The following GNG7 variants were observed in gnomAD, a reference collection of about 807,000 sequenced individuals.
The protein encoded by GNG7 is G protein subunit gamma 7.
GNG7 carries 1 observed loss-of-function variant against 4.0 expected under a neutral mutation model. That is an observed-to-expected ratio of 0.25 (90% CI 0.09 to 1.18). GNG7 has a LOEUF of 1.18. GNG7 is among the 50% of genes most tolerant of loss of function. The pLI, the probability that GNG7 is intolerant of heterozygous loss-of-function variation, is 0.50. For synonymous variants in GNG7, 34 were observed against 36.9 expected, an observed-to-expected ratio of 0.92 and a Z score of 0.29; for missense variants, 86 against 91.9, an observed-to-expected ratio of 0.94 and a Z score of 0.26.
chr19:2,538,720 G>T (rs551035514), intron 3 of GNG7: 5 of 460,894 alleles, frequency 1.1e-5, no homozygotes, highest in Non-Finnish European at 2.2e-5. Flanking sequence ...ATTCCTCACT[G>T]CATTGGAAGT....
intron 1 of GNG7, among the ~76,000 whole-genome samples, chr19:2,654,122 A>G (rs1982900956): frequency 6.6e-6 from 1 of 151,726 alleles, no homozygotes; most frequent in Non-Finnish European, 1.5e-5. Context: ...CTCCATGCAG[A>G]GGAAGGTCTT....
At chr19:2,566,683 C>T (rs957588420) in intron 2 of GNG7, among the ~76,000 whole-genome samples, 9 of 152,194 alleles carry the variant, frequency 5.9e-5, no homozygotes, top group Non-Finnish European at 1.3e-4. Context: ...GAGCAAACTT[C>T]TCTGGCTTTG....
intron 2 of GNG7, among the ~76,000 whole-genome samples, chr19:2,584,287 T>G (rs1452188543): frequency 9.3e-6 from 1 of 107,460 alleles, no homozygotes; most frequent in Non-Finnish European, 1.8e-5. Flanking sequence ...CGCAAAGAAT[T>G]AAAAAAAAAA....
intron 1 of GNG7, among the ~76,000 whole-genome samples, chr19:2,696,704 C>T (rs1913274447): frequency 6.6e-6 from 1 of 152,200 alleles, no homozygotes; most frequent in Non-Finnish European, 1.5e-5. Flanking sequence ...TGAGAGACAC[C>T]AGACACAAAA....
At chr19:2,698,862 T>C (rs75185207) in intron 1 of GNG7, among the ~76,000 whole-genome samples, 1,536 of 152,286 alleles carry the variant, frequency 0.01, 28 homozygotes, top group African/African-American at 0.035. Flanking sequence ...TAGTTCTCTT[T>C]GCCTTCAAAC....
At chr19:2,625,780 GTTTT>G (rs970829061) in intron 2 of GNG7, among the ~76,000 whole-genome samples, 25 of 151,892 alleles carry the variant, frequency 1.6e-4, no homozygotes, top group African/African-American at 5.8e-4. Context: ...TGGTTTTGGG[GTTTT>G]TTGTTTGTTT....
chr19:2,642,540 AT>A (rs1194773561), intron 2 of GNG7: 1 of 349,578 alleles, frequency 2.9e-6, no homozygotes, highest in South Asian at 2.2e-5. Flanking sequence ...TAATTTCTGT[AT>A]TTTTTGTAGA....
At chr19:2,602,877 CTT>C (rs1032234565) in intron 2 of GNG7, among the ~76,000 whole-genome samples, 4 of 149,938 alleles carry the variant, frequency 2.7e-5, no homozygotes, top group Non-Finnish European at 5.9e-5. Flanking sequence ...CCTTTTCTCT[CTT>C]TCTCTTTCTT....
At position 2,514,951 on chromosome 19, in the gene GNG7, TGAGACA is replaced by T. The variant is rs375659854; in HGVS notation, c.*65_*70del. The stretch of plus-strand genomic sequence containing the variant: ...GCTAATTACTGAATGATGCCCTGCC[TGAGACA>T]GAGACAGAGACAGAGAGAGAGAGAG... On this transcript the variant is annotated 3_prime_UTR_variant, in exon 5 of 5. Transcript: ENST00000382159. The T allele has an allele frequency of 1.1e-4, 138 of 1,293,448 alleles. No individual in the cohort carries two copies. Among genetic ancestry groups the T allele is most frequent in the Admixed American group, 8.3e-4 (47 of 56,530 alleles). The allele number at this position is 1,293,448 out of a possible 1,614,324, so 80.1% of individuals were successfully genotyped here. A position where few individuals can be genotyped will look rare whatever the true frequency, so the allele number is the denominator to read the frequency against.
chr19:2,602,887 CTTTT>C (rs939899802), intron 2 of GNG7, among the ~76,000 whole-genome samples: 3 of 115,438 alleles, frequency 2.6e-5, no homozygotes, highest in Non-Finnish European at 5.7e-5. Context: ...CTTTCTCTTT[CTTTT>C]TCTCTTTTTC....
intron 1 of GNG7, among the ~76,000 whole-genome samples, chr19:2,698,931 A>G (rs578013783): frequency 4.6e-4 from 70 of 152,316 alleles, no homozygotes; most frequent in Admixed American, 1.0e-3. Context: ...GGTATCGGTC[A>G]AAGGATGTTT....
chr19:2,601,957 G>C (rs1196052380), intron 2 of GNG7, among the ~76,000 whole-genome samples: 1 of 151,848 alleles, frequency 6.6e-6, no homozygotes, highest in Non-Finnish European at 1.5e-5. Flanking sequence ...GAGGGGAGGA[G>C]AGCAGTGGAA....
At chr19:2,657,258 T>G (rs529725294) in intron 1 of GNG7, among the ~76,000 whole-genome samples, 1 of 143,964 alleles carries the variant, frequency 6.9e-6, no homozygotes, top group African/African-American at 2.6e-5. Context: ...GTCTTGAGCC[T>G]AGGAGTTCGA....
At chr19:2,598,765 G>C (rs1599413879) in intron 2 of GNG7, among the ~76,000 whole-genome samples, 1 of 151,228 alleles carries the variant, frequency 6.6e-6, no homozygotes, top group Non-Finnish European at 1.5e-5. Context: ...CAGACATCGG[G>C]TGCATTTAAA....
At chr19:2,591,100 C>G (rs1980838326) in intron 2 of GNG7, among the ~76,000 whole-genome samples, 1 of 152,074 alleles carries the variant, frequency 6.6e-6, no homozygotes, top group Admixed American at 6.6e-5. Flanking sequence ...GTATGTTGTT[C>G]CTTGGATTCC....
chr19:2,563,444 A>C (rs1979808336), intron 2 of GNG7, among the ~76,000 whole-genome samples: 1 of 152,072 alleles, frequency 6.6e-6, no homozygotes, highest in South Asian at 2.1e-4. Context: ...TCAGGATCCT[A>C]AGAGAACCAC....
intron 3 of GNG7, among the ~76,000 whole-genome samples, chr19:2,534,349 C>T (rs1164002161): frequency 1.3e-5 from 2 of 152,202 alleles, no homozygotes; most frequent in Admixed American, 1.3e-4. Context: ...CTAGAGTGCG[C>T]TTCTGAAAAT....
chr19:2,578,433 T>C (rs1334139049), intron 2 of GNG7, among the ~76,000 whole-genome samples: 3 of 152,168 alleles, frequency 2.0e-5, no homozygotes, highest in Non-Finnish European at 4.4e-5. Context: ...TCCGATCCTT[T>C]GTGGAATGAG....
intron 2 of GNG7, among the ~76,000 whole-genome samples, chr19:2,588,424 C>G (rs1438763606): frequency 6.6e-6 from 1 of 152,156 alleles, no homozygotes; most frequent in Non-Finnish European, 1.5e-5. Context: ...GACCTTAACG[C>G]ACGTCATGAG....
Sources: gnomAD v4.1 joint callset for allele counts (sites outside exome capture counted in the v4.1 genomes callset) on GRCh38, gnomAD v4.1.1 for gene constraint, MANE v1.5 for transcripts, NCBI Gene and HGNC (gene_info 2026-07-23, HGNC 2026-07-21) for gene names.